Variants in PARN observed in about 807,000 individuals in gnomAD.
PARN encodes poly(A)-specific ribonuclease PARN.
A neutral mutation model predicts 102.8 loss-of-function variants in PARN; 71 were observed. The ratio of observed to expected loss-of-function variants is 0.69; its 90% CI spans 0.57 to 0.84. The LOEUF (loss-of-function observed/expected upper bound fraction) is 0.84, where lower values mean the gene tolerates loss of function less well. Ranked by LOEUF, PARN falls within the 40% of genes least tolerant of loss-of-function variation. The probability of loss-of-function intolerance (pLI) is 0.00; values close to 1 mark genes in which losing one functional copy is unlikely to be tolerated. For missense variants in PARN, 782 were observed against 760.9 expected, an observed-to-expected ratio of 1.03 and a Z score of -0.33; for synonymous variants, 261 against 252.9, an observed-to-expected ratio of 1.03 and a Z score of -0.30.
chr16:14,446,982 C>T lies in PARN; in HGVS notation c.1770G>A (p.Glu590=), dbSNP rs1961229442. The change falls in exon 23 of 24, where the codon GAG becomes GAA. Residue 590 remains glutamate (E), a synonymous_variant. Transcript: ENST00000437198. ...CTGCACAGGAATCGGTCTGCTCAAGCTCAGTGTCGGAAATCTCCCCTGACA... is the reference window on the plus strand; with the variant it reads ...CTGCACAGGAATCGGTCTGCTCAAGTTCAGTGTCGGAAATCTCCCCTGACA... The part of the protein sequence containing the change: ...DGVSGEISDT[E]LEQTDSCAEP... 1 of 1,613,596 alleles carries T rather than the reference C, an allele frequency of 6.2e-7. No homozygotes were observed.
At chr16:14,463,404 AAAAAG>A (rs1962107090) in intron 22 of PARN, among the ~76,000 whole-genome samples, 1 of 152,210 alleles carries the variant, frequency 6.6e-6, no homozygotes, top group Non-Finnish European at 1.5e-5. Flanking sequence ...AGATAGCTTA[AAAAAG>A]AAAAAAGTAA....
At chr16:14,529,409 A>G (rs1348543383) in intron 21 of PARN, among the ~76,000 whole-genome samples, 3 of 152,198 alleles carry the variant, frequency 2.0e-5, no homozygotes, top group Non-Finnish European at 4.4e-5. Context: ...AGTTTCCATA[A>G]AATCCGAACA....
At chr16:14,451,869 CAAA>C (rs869041563) in intron 22 of PARN, among the ~76,000 whole-genome samples, 2,034 of 52,304 alleles carry the variant, frequency 0.039, 12 homozygotes, top group Non-Finnish European at 0.04. Flanking sequence ...AAAAAAAATA[CAAA>C]AAAAAAAAAA....
At chr16:14,533,466 AGAGG>A (rs1966470353) in intron 21 of PARN, among the ~76,000 whole-genome samples, 1 of 61,876 alleles carries the variant, frequency 1.6e-5, no homozygotes, top group South Asian at 8.2e-4. Flanking sequence ...AGGGAGAGGG[AGAGG>A]GAGAGGGAGA....
intron 19 of PARN, among the ~76,000 whole-genome samples, chr16:14,554,961 C>G (rs914517483): frequency 6.6e-6 from 1 of 152,160 alleles, no homozygotes; most frequent in Non-Finnish European, 1.5e-5. Flanking sequence ...AGAGATCTAA[C>G]CACTCTAACC....
intron 21 of PARN, among the ~76,000 whole-genome samples, chr16:14,493,232 G>T (rs974849592): frequency 6.6e-6 from 1 of 151,924 alleles, no homozygotes; most frequent in Non-Finnish European, 1.5e-5. Context: ...ATTTATTTTT[G>T]AGACAGGGTC....
intron 22 of PARN, among the ~76,000 whole-genome samples, chr16:14,478,655 C>G (rs187711263): frequency 6.6e-6 from 1 of 152,100 alleles, no homozygotes; most frequent in Non-Finnish European, 1.5e-5. Context: ...AGATGTAAAA[C>G]TTGTTAACAG....
chr16:14,443,013 C>G (rs1369549412), intron 23 of PARN, among the ~76,000 whole-genome samples: 3 of 152,162 alleles, frequency 2.0e-5, no homozygotes, highest in Non-Finnish European at 4.4e-5. Flanking sequence ...GGATGAGTTT[C>G]CCCAGCCTCC....
chr16:14,457,142 T>C (rs1303006183), intron 22 of PARN, among the ~76,000 whole-genome samples: 1 of 152,202 alleles, frequency 6.6e-6, no homozygotes, highest in Non-Finnish European at 1.5e-5. Context: ...GCTTATTTTA[T>C]CCTGAATTAG....
chr16:14,480,970 A>AC (rs1555483941), intron 22 of PARN, among the ~76,000 whole-genome samples: 2 of 152,104 alleles, frequency 1.3e-5, no homozygotes, highest in South Asian at 2.1e-4. Context: ...TAAATAAATA[A>AC]ATAACATAAA....
chr16:14,491,865 G>A (rs1467930376), intron 21 of PARN, among the ~76,000 whole-genome samples: 1 of 152,176 alleles, frequency 6.6e-6, no homozygotes, highest in African/African-American at 2.4e-5. Context: ...CCACTCAAGA[G>A]AAAAAACAAG....
At chr16:14,586,037 T>C (rs1265670613) in intron 14 of PARN, among the ~76,000 whole-genome samples, 1 of 150,672 alleles carries the variant, frequency 6.6e-6, no homozygotes, top group African/African-American at 2.4e-5. Flanking sequence ...GGCTGGATAG[T>C]AGCACTATTA....
chr16:14,469,240 T>C (rs902331418), intron 22 of PARN, among the ~76,000 whole-genome samples: 12 of 152,010 alleles, frequency 7.9e-5, no homozygotes, highest in South Asian at 2.1e-4. Flanking sequence ...GAGGTTGCCA[T>C]GAGCCAAGAT....
At chr16:14,475,773 T>TA (rs1183486428) in intron 22 of PARN, among the ~76,000 whole-genome samples, 1 of 152,236 alleles carries the variant, frequency 6.6e-6, no homozygotes, top group Non-Finnish European at 1.5e-5. Context: ...ATCTTAATCG[T>TA]ACCTTTCTAA....
At chr16:14,611,789 C>G (rs1971532823) in intron 6 of PARN, among the ~76,000 whole-genome samples, 1 of 152,182 alleles carries the variant, frequency 6.6e-6, no homozygotes. Flanking sequence ...CCTGCCTCAG[C>G]CTTCCAAAGT....
intron 19 of PARN, among the ~76,000 whole-genome samples, chr16:14,555,023 G>A (rs1230547102): frequency 6.6e-6 from 1 of 152,174 alleles, no homozygotes; most frequent in Non-Finnish European, 1.5e-5. Context: ...GAATTCTTGT[G>A]AGAATGACAG....
At chr16:14,513,754 A>G (rs1965318831) in intron 21 of PARN, among the ~76,000 whole-genome samples, 1 of 152,130 alleles carries the variant, frequency 6.6e-6, no homozygotes, top group Non-Finnish European at 1.5e-5. Flanking sequence ...GCTCTCACTG[A>G]CCATTCTTTC....
intron 21 of PARN, among the ~76,000 whole-genome samples, chr16:14,542,565 A>T (rs1217837279): frequency 3.6e-5 from 5 of 140,638 alleles, no homozygotes; most frequent in Admixed American, 7.2e-5. Context: ...ACTCAAAAAA[A>T]TTAAAAAAAA....
intron 22 of PARN, among the ~76,000 whole-genome samples, chr16:14,462,104 A>G (rs769843102): frequency 2.4e-4 from 37 of 152,222 alleles, no homozygotes; most frequent in South Asian, 1.0e-3. Context: ...GGTGACTGAA[A>G]TCCATGCATA....
Sources: gnomAD v4.1 joint callset for allele counts (sites outside exome capture counted in the v4.1 genomes callset) on GRCh38, gnomAD v4.1.1 for gene constraint, MANE v1.5 for transcripts, NCBI Gene and HGNC (gene_info 2026-07-23, HGNC 2026-07-21) for gene names.